SNX29: variants seen among roughly 807,000 people sequenced by gnomAD.
The protein encoded by SNX29 is sorting nexin-29.
A neutral mutation model predicts 102.1 loss-of-function variants in SNX29; 78 were observed. The observed-to-expected ratio is 0.76, with a 90% CI of 0.64 to 0.92. The LOEUF (loss-of-function observed/expected upper bound fraction) is 0.92. Among genes scored for constraint, SNX29 ranks in the 40% least tolerant of loss-of-function variants. SNX29 has a pLI of 0.00. For missense variants in SNX29, 1,280 were observed against 1,061.7 expected (o/e 1.21, Z -2.86); for synonymous variants, 580 against 414.5 (o/e 1.40, Z -4.85).
At chr16:12,557,842 T>G (rs1419597826) in intron 20 of SNX29, 2 of 152,260 alleles carry the variant, frequency 1.3e-5, no homozygotes, top group Admixed American at 6.5e-5. Flanking sequence ...ACATCATCAA[T>G]GTGACATGAC....
chr16:12,356,528 C>T (rs2082141898), intron 16 of SNX29, among the ~76,000 whole-genome samples: 1 of 152,168 alleles, frequency 6.6e-6, no homozygotes, highest in Non-Finnish European at 1.5e-5. Flanking sequence ...GGCATATAGT[C>T]CCCTCCCCCC....
chr16:12,271,030 G>A (rs1007794588), intron 14 of SNX29, among the ~76,000 whole-genome samples: 5 of 152,118 alleles, frequency 3.3e-5, no homozygotes, highest in Admixed American at 2.6e-4. Flanking sequence ...GTAACAGAAC[G>A]AGACTCTCAA....
chr16:12,564,411 T>G (rs576301002), intron 20 of SNX29, among the ~76,000 whole-genome samples: 1 of 152,158 alleles, frequency 6.6e-6, no homozygotes, highest in Non-Finnish European at 1.5e-5. Flanking sequence ...CAATGATGTA[T>G]GATTGGCACT....
chr16:12,545,417 G>A (rs1313709337), intron 20 of SNX29: 2 of 152,246 alleles, frequency 1.3e-5, no homozygotes, highest in Non-Finnish European at 2.9e-5. Flanking sequence ...GGTCCTGCCT[G>A]GCCCCACCCC....
intron 16 of SNX29, among the ~76,000 whole-genome samples, chr16:12,369,175 A>G (rs534544662): frequency 1.3e-5 from 2 of 151,138 alleles, no homozygotes; most frequent in South Asian, 4.2e-4. Context: ...TTGCTCTGTC[A>G]CTCAGACTGG....
intron 14 of SNX29, among the ~76,000 whole-genome samples, chr16:12,253,487 G>C (rs2078480318): frequency 6.6e-6 from 1 of 152,236 alleles, no homozygotes; most frequent in African/African-American, 2.4e-5. Context: ...GGGCTCAGGA[G>C]TGTGGGGAGA....
chr16:12,133,262 TTC>T (rs980941469), intron 13 of SNX29, among the ~76,000 whole-genome samples: 17 of 151,560 alleles, frequency 1.1e-4, no homozygotes, highest in Middle Eastern at 3.5e-3. Context: ...ACTTCTCTGT[TTC>T]TGTTTCCTTA....
intron 20 of SNX29, among the ~76,000 whole-genome samples, chr16:12,544,884 T>C (rs889275366): frequency 6.6e-5 from 10 of 152,212 alleles, no homozygotes; most frequent in African/African-American, 2.4e-4. Context: ...CCCTGGCCTG[T>C]GGTCAGTGGG....
At chr16:12,496,624 C>T (rs144211189) in intron 19 of SNX29, among the ~76,000 whole-genome samples, 2 of 151,192 alleles carry the variant, frequency 1.3e-5, no homozygotes, top group Non-Finnish European at 1.5e-5. Flanking sequence ...AGTTCTCCTG[C>T]GTCAGCCTCC....
intron 20 of SNX29, among the ~76,000 whole-genome samples, chr16:12,539,425 G>A (rs1018488332): frequency 9.2e-5 from 14 of 152,212 alleles, no homozygotes; most frequent in Non-Finnish European, 2.1e-4. Flanking sequence ...GGGTGAGTCA[G>A]CAGTGTTTTT....
intron 3 of SNX29, among the ~76,000 whole-genome samples, chr16:12,009,278 G>A (rs2151048140): frequency 6.6e-6 from 1 of 152,266 alleles, no homozygotes; most frequent in Admixed American, 6.5e-5. Flanking sequence ...GACAGTGCTA[G>A]CAGGACAGAG....
At chr16:12,526,360 G>A (rs1238781696) in intron 20 of SNX29, among the ~76,000 whole-genome samples, 2 of 152,158 alleles carry the variant, frequency 1.3e-5, no homozygotes, top group East Asian at 1.9e-4. Flanking sequence ...GCAGCTGCCT[G>A]TCTTCCCTGC....
chr16:12,564,324 T>G (rs2078898341), intron 20 of SNX29, among the ~76,000 whole-genome samples: 1 of 152,226 alleles, frequency 6.6e-6, no homozygotes, highest in African/African-American at 2.4e-5. Flanking sequence ...TAGTGTCTCT[T>G]ACCTTATTTC....
chr16:12,150,489 C>T (rs985535648), intron 13 of SNX29, among the ~76,000 whole-genome samples: 1 of 152,222 alleles, frequency 6.6e-6, no homozygotes, highest in Non-Finnish European at 1.5e-5. Flanking sequence ...CCAGCACTGG[C>T]GTCTTCAGTG....
At chr16:12,537,782 TAATAA>T (rs762229695) in intron 20 of SNX29, among the ~76,000 whole-genome samples, 33 of 150,886 alleles carry the variant, frequency 2.2e-4, no homozygotes, top group African/African-American at 4.0e-4. Flanking sequence ...CAAAAAAAAG[TAATAA>T]AATATCTCCT....
intron 5 of SNX29, among the ~76,000 whole-genome samples, chr16:12,044,644 C>G (rs1466268822): frequency 6.6e-6 from 1 of 152,106 alleles, no homozygotes; most frequent in Non-Finnish European, 1.5e-5. Flanking sequence ...AGTGGCGCGA[C>G]CTTGGCTCAC....
intron 14 of SNX29, among the ~76,000 whole-genome samples, chr16:12,239,502 C>G (rs552325319): frequency 1.6e-4 from 25 of 152,064 alleles, no homozygotes; most frequent in South Asian, 6.2e-4. Flanking sequence ...CTTATTTAAA[C>G]CAAAGCTATT....
intron 15 of SNX29, among the ~76,000 whole-genome samples, chr16:12,321,234 CCCCACGCAGGG>C (rs879907396): frequency 7.2e-5 from 11 of 152,190 alleles, no homozygotes; most frequent in Non-Finnish European, 1.5e-4. Flanking sequence ...CCCCTTAGTT[CCCCACGCAGGG>C]ACCAAAGCCA....
At chr16:12,557,910 T>G (rs2078471451) in intron 20 of SNX29, among the ~76,000 whole-genome samples, 3 of 152,172 alleles carry the variant, frequency 2.0e-5, no homozygotes, top group Admixed American at 2.0e-4. Context: ...GATTCTCAAG[T>G]CGTCAGGGCA....
Sources: gnomAD v4.1 joint callset for allele counts (sites outside exome capture counted in the v4.1 genomes callset) on GRCh38, gnomAD v4.1.1 for gene constraint, MANE v1.5 for transcripts, NCBI Gene and HGNC (gene_info 2026-07-23, HGNC 2026-07-21) for gene names.